EXPH5: variants seen among roughly 807,000 people sequenced by gnomAD.
The protein encoded by EXPH5 is exophilin-5.
A neutral mutation model predicts 41.1 loss-of-function variants in EXPH5; 42 were observed. The ratio of observed to expected loss-of-function variants is 1.02; its 90% CI spans 0.80 to 1.32. The LOEUF (loss-of-function observed/expected upper bound fraction) is 1.32. Among genes scored for constraint, EXPH5 ranks in the 40% most tolerant of loss-of-function variants. The probability of loss-of-function intolerance (pLI) is 0.00; values close to 1 mark genes in which losing one functional copy is unlikely to be tolerated. For missense variants in EXPH5, 2,298 were observed against 2,314.5 expected, an observed-to-expected ratio of 0.99 and a Z score of 0.15; for synonymous variants, 798 against 833.5, an observed-to-expected ratio of 0.96 and a Z score of 0.73.
chr11:108,573,197 AAAAAGAAAGAAAGAAAGAAAGAAAGG>A (rs1318373054), intron 1 of EXPH5, among the ~76,000 whole-genome samples: 11 of 113,394 alleles, frequency 9.7e-5, no homozygotes, highest in African/African-American at 4.6e-4. Flanking sequence ...AGAAAGAAAG[AAAAAGAAAGAAAGAAAGAAAGAAAGG>A]GAAAGCAAAC....
chr11:108,514,390 A>T lies in EXPH5; in HGVS notation c.1117T>A (p.Trp373Arg), dbSNP rs763106314. 8 of 1,614,134 alleles carry T rather than the reference A, an allele frequency of 5.0e-6. No individual in the cohort carries two copies. In the Admixed American group the frequency reaches 1.3e-4, roughly 27 times the overall value. Residue 373 changes from tryptophan to arginine, a missense_variant, in exon 6 of 6, where the codon TGG (tryptophan) becomes AGG (arginine). Trp to Arg is a moderately radical substitution (Grantham distance 101). Coordinates refer to ENST00000265843, the MANE Select transcript of EXPH5 (RefSeq NM_015065.3). ...PKRTPLSSIIWNRSDSSRDRE... is the reference protein window; with the variant it reads ...PKRTPLSSIIRNRSDSSRDRE... ...TCTCTAGAGGAATCTGATCTGTTCC[A>T]TATGATGGATGATAAAGGAGTTCTC...
chr11:108,559,249 C>T (rs2094002119), intron 1 of EXPH5, among the ~76,000 whole-genome samples: 1 of 152,164 alleles, frequency 6.6e-6, no homozygotes, highest in Non-Finnish European at 1.5e-5. Context: ...AAAATGAATA[C>T]AAGAGAATGA....
At chr11:108,540,946 C>T (rs528283541) in intron 2 of EXPH5, among the ~76,000 whole-genome samples, 2 of 152,130 alleles carry the variant, frequency 1.3e-5, no homozygotes, top group East Asian at 3.9e-4. Context: ...CCGCTGTTGC[C>T]CAGGCTGGAG....
intron 4 of EXPH5, among the ~76,000 whole-genome samples, chr11:108,522,744 T>G (rs1453376381): frequency 6.6e-6 from 1 of 152,142 alleles, no homozygotes; most frequent in African/African-American, 2.4e-5. Flanking sequence ...GGGCTCAGTT[T>G]TGGACTCAGA....
chr11:108,524,956 C>T (rs1010139897), intron 4 of EXPH5, among the ~76,000 whole-genome samples: 11 of 152,182 alleles, frequency 7.2e-5, no homozygotes, highest in African/African-American at 2.7e-4. Context: ...TCCTATAATT[C>T]CCACGTGTTG....
chr11:108,592,344 A>C (rs1037055860), intron 1 of EXPH5, among the ~76,000 whole-genome samples: 3 of 152,134 alleles, frequency 2.0e-5, no homozygotes, highest in Admixed American at 1.3e-4. Flanking sequence ...TAGATTTTCC[A>C]ATTTGAAGAG....
upstream of EXPH5, among the ~76,000 whole-genome samples, chr11:108,594,620 CAT>C (rs1452847961): frequency 1.3e-5 from 2 of 151,982 alleles, no homozygotes; most frequent in Admixed American, 1.3e-4. Flanking sequence ...TTACAGAAAA[CAT>C]GTTTTTATCT....
intron 2 of EXPH5, among the ~76,000 whole-genome samples, chr11:108,539,886 C>A (rs567719241): frequency 1.3e-5 from 2 of 152,180 alleles, no homozygotes; most frequent in Admixed American, 6.5e-5. Flanking sequence ...ATTTCAGGAT[C>A]TAAAAAGATC....
chr11:108,604,660 A>G, the EXPH5 span, among the ~76,000 whole-genome samples: 624 of 152,214 alleles, frequency 4.1e-3, 4 homozygotes, highest in African/African-American at 0.014. Context: ...GATGACTTTT[A>G]AAGAATATGA....
chr11:108,518,828 G>T (rs947108753), intron 4 of EXPH5, among the ~76,000 whole-genome samples: 5 of 152,130 alleles, frequency 3.3e-5, no homozygotes, highest in African/African-American at 1.2e-4. Context: ...TTGCACTAAC[G>T]AAGCCGGCTA....
chr11:108,600,381 G>C, the EXPH5 span, among the ~76,000 whole-genome samples: 2 of 152,002 alleles, frequency 1.3e-5, no homozygotes, highest in Non-Finnish European at 2.9e-5. Flanking sequence ...ATTTTAAAGA[G>C]TTTATTAATG....
intron 4 of EXPH5, among the ~76,000 whole-genome samples, chr11:108,521,685 G>T (rs746469025): frequency 8.6e-5 from 13 of 151,994 alleles, no homozygotes; most frequent in Admixed American, 3.9e-4. Context: ...CAACTCAGAG[G>T]TTACCCTACA....
the EXPH5 span, among the ~76,000 whole-genome samples, chr11:108,602,056 A>G: frequency 6.6e-6 from 1 of 152,178 alleles, no homozygotes; most frequent in Non-Finnish European, 1.5e-5. Context: ...CCCTGAAATG[A>G]TAGACTCTAC....
At chr11:108,560,500 C>T (rs570342241) in intron 1 of EXPH5, among the ~76,000 whole-genome samples, 1 of 152,242 alleles carries the variant, frequency 6.6e-6, no homozygotes, top group Non-Finnish European at 1.5e-5. Context: ...CAGAATCACA[C>T]GCCAAAGGGC....
chr11:108,560,220 A>G (rs1446643325), intron 1 of EXPH5, among the ~76,000 whole-genome samples: 1 of 152,264 alleles, frequency 6.6e-6, no homozygotes, highest in Non-Finnish European at 1.5e-5. Context: ...ATGACTCTCA[A>G]ACCACATCTG....
chr11:108,514,691 A>G lies in EXPH5; in HGVS notation c.816T>C (p.Tyr272=), dbSNP rs772209514. 6.2e-7 allele frequency: 1 copy of G among 1,604,308 alleles called. No homozygotes were observed. The highest frequency in any genetic ancestry group is 8.5e-7 in the Non-Finnish European group (1 of 1,176,656). ...HYNETSNMSI[Y]DILRPGTPRE... ...TAGGAGTTCCTGGTCTTAGGATGTC[A>G]TAGATAGACATATTGGAAGTTTCAT... Residue 272 remains tyrosine (Y), a synonymous_variant, in exon 6 of 6, where the codon TAT becomes TAC. Coordinates refer to ENST00000265843, the MANE Select transcript of EXPH5 (RefSeq NM_015065.3).
At chr11:108,542,117 C>A (rs893938546) in intron 1 of EXPH5, among the ~76,000 whole-genome samples, 7 of 152,014 alleles carry the variant, frequency 4.6e-5, no homozygotes, top group Non-Finnish European at 1.0e-4. Flanking sequence ...TGAGCTCAAG[C>A]GATCTGCATG....
chr11:108,582,795 G>C (rs1335079885), intron 1 of EXPH5, among the ~76,000 whole-genome samples: 2 of 152,204 alleles, frequency 1.3e-5, no homozygotes, highest in African/African-American at 4.8e-5. Context: ...TTCTGAAGTA[G>C]TTCCTTGCCT....
chr11:108,555,410 A>G (rs911138734), intron 1 of EXPH5, among the ~76,000 whole-genome samples: 1 of 152,338 alleles, frequency 6.6e-6, no homozygotes. Context: ...AGCATTTACT[A>G]TATATCATAC....
Sources: gnomAD v4.1 joint callset for allele counts (sites outside exome capture counted in the v4.1 genomes callset) on GRCh38, gnomAD v4.1.1 for gene constraint, MANE v1.5 for transcripts, NCBI Gene and HGNC (gene_info 2026-07-23, HGNC 2026-07-21) for gene names.